The following SIK3 variants were observed in gnomAD, a reference collection of about 807,000 sequenced individuals.
SIK3 encodes serine/threonine-protein kinase SIK3.
A neutral mutation model predicts 144.2 loss-of-function variants in SIK3; 28 were observed. The observed-to-expected ratio is 0.19, with a 90% CI of 0.14 to 0.27. The LOEUF is 0.27. Ranked by LOEUF, SIK3 falls within the 10% of genes least tolerant of loss-of-function variation. The pLI, the probability that SIK3 is intolerant of heterozygous loss-of-function variation, is 1.00. For synonymous variants in SIK3, 686 were observed against 676.3 expected, an observed-to-expected ratio of 1.01 and a Z score of -0.22; for missense variants, 1,319 against 1,776.0, an observed-to-expected ratio of 0.74 and a Z score of 4.62.
chr11:116,901,398 G>C (rs1301520431), intron 4 of SIK3, among the ~76,000 whole-genome samples: 1 of 152,166 alleles, frequency 6.6e-6, no homozygotes, highest in African/African-American at 2.4e-5. Context: ...CCAGCAACGA[G>C]AGCCTCTGCC....
intron 1 of SIK3, among the ~76,000 whole-genome samples, chr11:117,065,975 C>A (rs1377879775): frequency 2.6e-5 from 4 of 151,808 alleles, no homozygotes; most frequent in East Asian, 1.9e-4. Flanking sequence ...GCCAATATTT[C>A]TTTATTTATT....
intron 3 of SIK3, among the ~76,000 whole-genome samples, chr11:116,945,001 G>A (rs12283494): frequency 0.078 from 11,666 of 149,814 alleles, 845 homozygotes; most frequent in African/African-American, 0.19. Flanking sequence ...GCTCTGTCCC[G>A]TAGGCTGGAG....
At chr11:116,897,639 C>T (rs1480888679) in intron 4 of SIK3, among the ~76,000 whole-genome samples, 1 of 152,154 alleles carries the variant, frequency 6.6e-6, no homozygotes, top group Non-Finnish European at 1.5e-5. Context: ...GCCTGTAATC[C>T]CATCACTTTG....
chr11:117,034,968 G>A (rs968264355), intron 1 of SIK3, among the ~76,000 whole-genome samples: 8 of 152,170 alleles, frequency 5.3e-5, no homozygotes, highest in Non-Finnish European at 8.8e-5. Flanking sequence ...AGGTTGTGAT[G>A]TTACCATGTT....
chr11:116,929,403 C>T (rs1684858294), intron 3 of SIK3, among the ~76,000 whole-genome samples: 1 of 152,198 alleles, frequency 6.6e-6, no homozygotes, highest in African/African-American at 2.4e-5. Context: ...ATACTAATTA[C>T]CAGAACACAT....
rs368200179 is a variant in SIK3 at position 116,965,593 on chromosome 11, T to TA, written c.274-8530dup. ...TGTTGAAAAGGATGCCTCAAAGCCC[T>TA]AAAAAAAAGAGAGGGAAGAGGCCAG... On this transcript the variant is annotated intron_variant, in intron 1 of 24. Transcript: ENST00000445177. Among the ~76,000 whole-genome samples, 1,313 of 146,422 alleles carry TA rather than the reference T, an allele frequency of 9.0e-3. 22 individuals carry two copies. The highest frequency in any genetic ancestry group is 0.032 in the African/African-American group (1,242 of 38,418).
At chr11:117,073,612 T>C (rs1451882523) in intron 1 of SIK3, among the ~76,000 whole-genome samples, 5 of 152,160 alleles carry the variant, frequency 3.3e-5, no homozygotes, top group Non-Finnish European at 7.4e-5. Flanking sequence ...ATACAGAACA[T>C]AGGAGGCACT....
intron 3 of SIK3, among the ~76,000 whole-genome samples, chr11:116,940,550 T>A (rs920173282): frequency 2.0e-5 from 3 of 151,906 alleles, no homozygotes; most frequent in African/African-American, 2.4e-5. Context: ...TTATATATAC[T>A]CAATACAGCA....
At chr11:116,875,499 G>T in intron 9 of SIK3, 48 bp from the exon 10 acceptor site, 2 of 1,563,256 alleles carry the variant, frequency 1.3e-6, no homozygotes, top group Non-Finnish European at 8.8e-7. Context: ...ACACTAGAGA[G>T]AAATAATGAG....
At chr11:116,985,190 C>T (rs1245308767) in intron 1 of SIK3, among the ~76,000 whole-genome samples, 2 of 152,086 alleles carry the variant, frequency 1.3e-5, no homozygotes, top group Admixed American at 1.3e-4. Context: ...TTCATTTAGC[C>T]TAATGAGATG....
rs12291517 is a variant in SIK3, at chr11:117,085,113, C to T, written c.273+13030G>A. ...ATCTTTCTTTCTTTCTTTTCTCTCT[C>T]TTTTCTTTCTTTCCTTTTTAGAGAC... On this transcript the variant is annotated intron_variant, in intron 1 of 24. Coordinates refer to ENST00000445177, the MANE Select transcript of SIK3 (RefSeq NM_001366686.3). Among the ~76,000 whole-genome samples the T allele has an allele frequency of 3.7e-3, 565 of 151,768 alleles. 5 individuals are homozygous for T. Among genetic ancestry groups the T allele is most frequent in the African/African-American group, 0.013 (542 of 41,384 alleles).
intron 4 of SIK3, among the ~76,000 whole-genome samples, chr11:116,915,372 C>T (rs1204484092): frequency 6.6e-6 from 1 of 152,100 alleles, no homozygotes; most frequent in Non-Finnish European, 1.5e-5. Context: ...TTTTCATGAC[C>T]TAGGATTTGG....
At position 117,023,605 on chromosome 11, in the gene SIK3, C is replaced by CAAAAAA. The variant is rs1306485013; in HGVS notation, c.274-66542_274-66541insTTTTTT. Among the ~76,000 whole-genome samples, 328 of 63,880 alleles carry CAAAAAA rather than the reference C, an allele frequency of 5.1e-3. 1 individual carries two copies. The highest frequency in any genetic ancestry group is 5.8e-3 in the Non-Finnish European group (222 of 38,376). 41.9% of individuals were successfully genotyped at this position (63,880 alleles called of 152,430 possible). On this transcript the variant is annotated intron_variant, in intron 1 of 24. Transcript: ENST00000445177. ...AAAAACAAACAAACAAACAAACAAACAAACAAAAAAAAAAAAATATATATA... is the reference window on the plus strand; with the variant it reads ...AAAAACAAACAAACAAACAAACAAACAAAAAAAAACAAAAAAAAAAAAATATATATA...
chr11:116,886,133 T>G (rs1358994885), intron 6 of SIK3, among the ~76,000 whole-genome samples: 1 of 152,230 alleles, frequency 6.6e-6, no homozygotes. Context: ...TTTTTAGTTA[T>G]GTTAGGTCAT....
chr11:116,936,341 A>C (rs1016364092), intron 3 of SIK3, among the ~76,000 whole-genome samples: 1 of 152,052 alleles, frequency 6.6e-6, no homozygotes, highest in East Asian at 1.9e-4. Context: ...ATGCCCAGCT[A>C]ATTTTTGTAT....
At position 116,867,535 on chromosome 11, in the gene SIK3, C is replaced by T. The variant is rs1943712419; in HGVS notation, c.1952+411G>A. Among the ~76,000 whole-genome samples, 1 of 152,128 alleles carries T rather than the reference C, an allele frequency of 6.6e-6. No homozygotes were observed. Among genetic ancestry groups the T allele is most frequent in the African/African-American group, 2.4e-5 (1 of 41,414 alleles). On this transcript the variant is annotated intron_variant, in intron 15 of 24. Coordinates refer to ENST00000445177, the MANE Select transcript of SIK3 (RefSeq NM_001366686.3). The surrounding 1 kb of genome is among the most constrained non-coding windows in gnomAD (Gnocchi z 4.1). ...CCAGGCTGGCGGTTCAATGGTAACACGATATGAAATGCTCATTCTTTTGAA... is the reference window on the plus strand; with the variant it reads ...CCAGGCTGGCGGTTCAATGGTAACATGATATGAAATGCTCATTCTTTTGAA...
intron 21 of SIK3, among the ~76,000 whole-genome samples, chr11:116,852,984 G>C (rs1050941444): frequency 1.6e-4 from 24 of 152,316 alleles, no homozygotes; most frequent in African/African-American, 5.3e-4. Flanking sequence ...GGAGGGTGCA[G>C]AGTGGGCAAG....
intron 1 of SIK3, among the ~76,000 whole-genome samples, chr11:117,013,230 C>A (rs772820883): frequency 6.6e-6 from 1 of 152,166 alleles, no homozygotes; most frequent in Non-Finnish European, 1.5e-5. Context: ...GTGGCTCACG[C>A]CTGTAATCCC....
chr11:117,058,637 A>G (rs1403489259), intron 1 of SIK3, among the ~76,000 whole-genome samples: 1 of 152,140 alleles, frequency 6.6e-6, no homozygotes, highest in Non-Finnish European at 1.5e-5. Context: ...GTGTAGAATC[A>G]GCTGCAATGG....
Sources: allele counts gnomAD v4.1 joint callset (sites outside exome capture counted in the v4.1 genomes callset), GRCh38; gene constraint gnomAD v4.1.1; non-coding constraint Gnocchi (gnomAD v3.1); transcripts MANE v1.5; gene names NCBI Gene and HGNC (gene_info 2026-07-23, HGNC 2026-07-21).